Variants in IL4I1 observed in about 807,000 individuals in gnomAD.
The protein encoded by IL4I1 is L-amino-acid oxidase.
IL4I1 carries 24 observed loss-of-function variants against 29.7 expected under a neutral mutation model. The ratio of observed to expected loss-of-function variants is 0.81; its 90% CI spans 0.59 to 1.14. The LOEUF (loss-of-function observed/expected upper bound fraction) is 1.14, where lower values mean the gene tolerates loss of function less well. Among genes scored for constraint, IL4I1 ranks in the 50% most tolerant of loss-of-function variants. IL4I1 has a pLI of 0.00. For synonymous variants in IL4I1, 371 were observed against 352.5 expected (o/e 1.05, Z -0.59); for missense variants, 686 against 785.6 (o/e 0.87, Z 1.52).
In IL4I1 at chr19:49,921,113, C is replaced by T. The variant is rs574571188; in HGVS notation, c.-228+6581G>A. Among the ~76,000 whole-genome samples the T allele has an allele frequency of 6.6e-5, 10 of 152,280 alleles. No homozygotes were observed. The South Asian group carries it at 1.7e-3, about 25-fold the overall frequency. ...CACCCACATTTCATGGCATTTCTCA[C>T]GCGCTGGGCTGTTTCCAGGGCTTCA... On this transcript the variant is annotated intron_variant, in intron 2 of 9. Transcript: ENST00000341114. The surrounding 1 kb of genome is among the most constrained non-coding windows in gnomAD (Gnocchi z 5.4).
intron 5 of IL4I1, among the ~76,000 whole-genome samples, 156 bp from the exon 6 acceptor site, chr19:49,891,629 C>T (rs74359325): frequency 0.027 from 4,085 of 152,320 alleles, 86 homozygotes; most frequent in South Asian, 0.09. Flanking sequence ...CCATGCCCTC[C>T]GCCTTGCCCT....
At chr19:49,901,636 C>CA, upstream of IL4I1, 1 of 1,507,880 alleles carries the variant, frequency 6.6e-7, no homozygotes, top group Non-Finnish European at 8.9e-7. Flanking sequence ...TGGGGGCACT[C>CA]ACTGCATGGC....
chr19:49,913,330 C>G (rs1398555583), intron 2 of IL4I1, among the ~76,000 whole-genome samples: 1 of 152,222 alleles, frequency 6.6e-6, no homozygotes, highest in Non-Finnish European at 1.5e-5. Flanking sequence ...CCAGGAGAAT[C>G]TCTATGTTCT....
intron 2 of IL4I1, chr19:49,908,547 T>C (rs777922064): frequency 6.2e-7 from 1 of 1,614,170 alleles, no homozygotes; most frequent in East Asian, 2.2e-5. Context: ...TGCAGGTAGA[T>C]GGTCCCGCTC....
intron 3 of IL4I1, 143 bp downstream of exon 3, chr19:49,895,672 C>T (rs1475955359): frequency 1.1e-5 from 9 of 854,786 alleles, no homozygotes; most frequent in Non-Finnish European, 1.6e-5. Context: ...GGGCCTCACC[C>T]CCAGACTACA....
At chr19:49,925,424 C>A (rs1600564340) in intron 2 of IL4I1, among the ~76,000 whole-genome samples, 5 of 146,868 alleles carry the variant, frequency 3.4e-5, no homozygotes, top group South Asian at 2.2e-4. Context: ...GTAAGACCCT[C>A]CCCCCCATCT....
upstream of IL4I1, chr19:49,901,757 T>A: frequency 2.1e-6 from 3 of 1,445,606 alleles, no homozygotes; most frequent in Non-Finnish European, 2.8e-6. Flanking sequence ...TTGTCCTTGT[T>A]AGTGGTGCCC....
At chr19:49,922,088 C>T (rs754103394) in intron 2 of IL4I1, among the ~76,000 whole-genome samples, 2 of 152,224 alleles carry the variant, frequency 1.3e-5, no homozygotes, top group African/African-American at 4.8e-5. Context: ...GACCAAACAC[C>T]CCTCCTGACT....
intron 6 of IL4I1, 87 bp from the exon 7 acceptor site, chr19:49,891,194 TG>T: frequency 6.5e-7 from 1 of 1,538,660 alleles, no homozygotes; most frequent in Admixed American, 1.8e-5. Flanking sequence ...CCTGGTCCCA[TG>T]ACATGTCCTT....
chr19:49,920,966 C>T (rs1294591698), intron 2 of IL4I1, among the ~76,000 whole-genome samples: 5 of 152,120 alleles, frequency 3.3e-5, no homozygotes, highest in Admixed American at 2.0e-4. Flanking sequence ...GTGGTGGAGA[C>T]GGTTGCTATG....
chr19:49,891,701 C>T (rs1247817232), intron 5 of IL4I1, among the ~76,000 whole-genome samples: 3 of 152,252 alleles, frequency 2.0e-5, no homozygotes, highest in African/African-American at 4.8e-5. Flanking sequence ...CCGCCCATCC[C>T]CCCTCATTCG....
intron 2 of IL4I1, among the ~76,000 whole-genome samples, chr19:49,922,161 C>T (rs1025696805): frequency 6.6e-5 from 10 of 152,224 alleles, no homozygotes; most frequent in African/African-American, 2.2e-4. Flanking sequence ...TTCTCAGGCT[C>T]TAGGTCAAAT....
At chr19:49,890,928 T>TTCCCCCCCC in intron 7 of IL4I1, 43 bp downstream of exon 7, 2 of 633,210 alleles carry the variant, frequency 3.2e-6, no homozygotes, top group Admixed American at 3.6e-5. Flanking sequence ...TTTCCCTGAT[T>TTCCCCCCCC]GCCCCCCGCC....
intron 2 of IL4I1, among the ~76,000 whole-genome samples, chr19:49,914,255 G>A (rs527953751): frequency 3.3e-5 from 5 of 152,344 alleles, no homozygotes; most frequent in African/African-American, 1.2e-4. Flanking sequence ...TTTGCCAAAG[G>A]GGAGAGTTTC....
upstream of IL4I1, among the ~76,000 whole-genome samples, chr19:49,898,095 C>A (rs970210403): frequency 6.6e-6 from 1 of 152,134 alleles, no homozygotes; most frequent in Admixed American, 6.5e-5. Context: ...TCGAGGCAGG[C>A]GGATCACCTG....
At chr19:49,908,146 C>G (rs775828349) in intron 2 of IL4I1, 1 of 1,540,140 alleles carries the variant, frequency 6.5e-7, no homozygotes, top group Non-Finnish European at 8.7e-7. Context: ...AACAAACAAA[C>G]AAGTATCTTG....
chr19:49,901,232 A>T (rs565308020), upstream of IL4I1, among the ~76,000 whole-genome samples: 2 of 152,168 alleles, frequency 1.3e-5, no homozygotes, highest in African/African-American at 4.8e-5. Context: ...AAATACAAAA[A>T]AATTAGCCGG....
rs530372497 is a variant in IL4I1, at chr19:49,914,726, GTT to G, written c.-227-10407_-227-10406del. On this transcript the variant is annotated intron_variant, in intron 2 of 9. Transcript: ENST00000341114. ...GATTCTTGTGCCACTCCAAGTCCCA[GTT>G]TTTTTTTTTTTTTTTTTTTTTTTTT... Among the ~76,000 whole-genome samples, 75 of 56,386 alleles carry G rather than the reference GTT, an allele frequency of 1.3e-3. 4 individuals are homozygous for G. Among genetic ancestry groups the G allele is most frequent in the African/African-American group, 3.8e-3 (58 of 15,438 alleles). The allele number at this position is 56,386 out of a possible 152,430, so 37.0% of individuals were successfully genotyped here.
intron 5 of IL4I1, among the ~76,000 whole-genome samples, chr19:49,893,985 CAAAAAAAAAAAAAAAAA>C (rs996597872): frequency 5.1e-5 from 1 of 19,674 alleles, no homozygotes; most frequent in Admixed American, 5.7e-4. Context: ...GACTCCATCT[CAAAAAAAAAAAAAAAAA>C]AAAAAAAAAG....
Sources: allele counts gnomAD v4.1 joint callset (sites outside exome capture counted in the v4.1 genomes callset), GRCh38; gene constraint gnomAD v4.1.1; non-coding constraint Gnocchi (gnomAD v3.1); transcripts MANE v1.5; gene names NCBI Gene and HGNC (gene_info 2026-07-23, HGNC 2026-07-21).